LEO1: variants seen among roughly 807,000 people sequenced by gnomAD.
LEO1 encodes the protein RNA polymerase-associated protein LEO1.
Under a neutral mutation model 80.4 loss-of-function variants are expected in LEO1, and 34 were observed. The observed-to-expected ratio is 0.42, with a 90% CI of 0.32 to 0.56. LEO1 has a LOEUF of 0.56. Ranked by LOEUF, LEO1 falls within the 20% of genes least tolerant of loss-of-function variation. The pLI is 0.10. For synonymous variants in LEO1, 262 were observed against 274.9 expected, an observed-to-expected ratio of 0.95 and a Z score of 0.46; for missense variants, 631 against 814.2, an observed-to-expected ratio of 0.77 and a Z score of 2.74.
rs71130110 is a variant in LEO1 at position 51,945,262 on chromosome 15, C to CAAAAAAAAAAAAAAAAAAAA, written c.1896+2029_1896+2030insTTTTTTTTTTTTTTTTTTTT. The stretch of plus-strand genomic sequence containing the variant: ...TGAAACCCCATCTCTACAAAAAATA[C>CAAAAAAAAAAAAAAAAAAAA]AAAAAAAAAAAAAAAAAGCCTTACA... On this transcript the variant is annotated intron_variant, in intron 11 of 11. Transcript: ENST00000299601. 3.1e-3 allele frequency among the ~76,000 whole-genome samples: 251 copies of CAAAAAAAAAAAAAAAAAAAA among 80,244 alleles called. 10 individuals carry two copies. The highest frequency in any genetic ancestry group is 7.9e-3 in the Middle Eastern group (1 of 126). 52.6% of individuals were successfully genotyped at this position (80,244 alleles called of 152,430 possible).
Position 51,951,825 on chromosome 15 carries a change from T to A in LEO1, c.1611+19A>T, listed in dbSNP as rs2056951442. On this transcript the variant is annotated intron_variant, in intron 9 of 11. Transcript: ENST00000299601. ...ATACCAAAGAATCCCAGGATAACGCTTAGGCTTAGCAAACATACCTTAATC... is the reference window on the plus strand; with the variant it reads ...ATACCAAAGAATCCCAGGATAACGCATAGGCTTAGCAAACATACCTTAATC... 9 of 1,611,826 alleles carry A rather than the reference T, an allele frequency of 5.6e-6. No homozygotes were observed. The highest frequency in any genetic ancestry group is 7.6e-6 in the Non-Finnish European group (9 of 1,178,446).
intron 11 of LEO1, among the ~76,000 whole-genome samples, chr15:51,940,365 C>A (rs1309784504): frequency 6.6e-6 from 1 of 150,868 alleles, no homozygotes; most frequent in African/African-American, 2.4e-5. Flanking sequence ...TCAAGACCAG[C>A]CCAGCCAACA....
At chr15:51,940,502 A>C (rs965795701) in intron 11 of LEO1, among the ~76,000 whole-genome samples, 1 of 151,694 alleles carries the variant, frequency 6.6e-6, no homozygotes, top group Admixed American at 6.6e-5. Context: ...TGGAGGTTGC[A>C]GTGAGCTGAG....
intron 2 of LEO1, among the ~76,000 whole-genome samples, chr15:51,965,366 A>G (rs765992918): frequency 3.3e-5 from 5 of 152,118 alleles, no homozygotes; most frequent in East Asian, 1.9e-4. Context: ...GGACACTTCA[A>G]TGGTATGGTT....
At chr15:51,963,355 A>G (rs1276098058) in intron 2 of LEO1, among the ~76,000 whole-genome samples, 1 of 152,244 alleles carries the variant, frequency 6.6e-6, no homozygotes, top group African/African-American at 2.4e-5. Context: ...TCAAATTTAC[A>G]TAAGACAAAT....
At chr15:51,944,814 A>G (rs1279273822) in intron 11 of LEO1, among the ~76,000 whole-genome samples, 1 of 152,226 alleles carries the variant, frequency 6.6e-6, no homozygotes. Context: ...GATATGATAT[A>G]AAATTTTAAC....
chr15:51,963,838 A>G (rs2470605), intron 2 of LEO1, among the ~76,000 whole-genome samples: 65,205 of 144,728 alleles, frequency 0.45, 14,423 homozygotes, highest in Admixed American at 0.54. Context: ...GGAGGTGGAG[A>G]TTGCAGTGAG....
At chr15:51,965,649 G>C in intron 2 of LEO1, 100 bp downstream of exon 2, 1 of 1,474,362 alleles carries the variant, frequency 6.8e-7, no homozygotes, top group Non-Finnish European at 9.0e-7. Context: ...GGACAGAAGA[G>C]AAAAAACAGG....
chr15:51,954,372 A>AC lies in LEO1; in HGVS notation c.1340+108dup. ...ACTCCAACATGGGCAACAGAGTGAG[A>AC]CCCCATTTCTAAAACTAATAATAAA... On this transcript the variant is annotated intron_variant, in intron 7 of 11. Transcript: ENST00000299601. 3 of 691,208 alleles carry AC rather than the reference A, an allele frequency of 4.3e-6. 1 individual carries two copies. In the South Asian group the frequency reaches 5.2e-5, roughly 12 times the overall value. 42.8% of individuals were successfully genotyped at this position (691,208 alleles called of 1,614,324 possible). A position where few individuals can be genotyped will look rare whatever the true frequency, so the allele number is the denominator to read the frequency against.
chr15:51,962,238 A>C (rs1336470204), intron 3 of LEO1, 151 bp downstream of exon 3: 7 of 469,990 alleles, frequency 1.5e-5, no homozygotes, highest in Non-Finnish European at 2.6e-5. Context: ...TCTCATAGCT[A>C]TATAACTTCT....
chr15:51,960,798 C>T, intron 3 of LEO1, 65 bp from the exon 4 acceptor site: 1 of 883,382 alleles, frequency 1.1e-6, no homozygotes, highest in Admixed American at 1.9e-5. Context: ...CACAGCTGAT[C>T]ACTTCAACAC....
chr15:51,954,769 A>C lies in LEO1; in HGVS notation c.1246-194T>G, dbSNP rs1481857276. 7.3e-6 allele frequency: 4 copies of C among 550,470 alleles called. No individual in the cohort carries two copies. In the African/African-American group the frequency reaches 7.6e-5, roughly 10 times the overall value. The allele number at this position is 550,470 out of a possible 1,614,324, so 34.1% of individuals were successfully genotyped here. A position where few individuals can be genotyped will look rare whatever the true frequency, so the allele number is the denominator to read the frequency against. ...GGATAAATTAAAAGCAGGGAAAAAAATATGCTTAAGTGAATTTCTGAGCTC... is the reference window on the plus strand; with the variant it reads ...GGATAAATTAAAAGCAGGGAAAAAACTATGCTTAAGTGAATTTCTGAGCTC... On this transcript the variant is annotated intron_variant, in intron 6 of 11. Transcript: ENST00000299601.
intron 6 of LEO1, 153 bp from the exon 7 acceptor site, chr15:51,954,728 A>G (rs2141761271): frequency 1.6e-6 from 1 of 610,290 alleles, no homozygotes; most frequent in South Asian, 2.0e-5. Context: ...ACCCTCTTTA[A>G]TCACCTAGAG....
Position 51,960,668 on chromosome 15 carries a change from C to T in LEO1, c.985G>A (p.Asp329Asn). ...DDISSGSDGE[D>N]KPPTPGQPVD... Reference sequence around the variant, plus strand: ...GGCTGTCCTGGAGTAGGTGGTTTGTCTTCTCCATCACTCCCTGAAGAGATA... The same window carrying T: ...GGCTGTCCTGGAGTAGGTGGTTTGTTTTCTCCATCACTCCCTGAAGAGATA... The change falls in exon 4 of 12, where the codon GAC (aspartate) becomes AAC (asparagine). Residue 329 changes from aspartate to asparagine, a missense_variant. This residue lies in a region of LEO1 where 95 missense variants were observed against 171.7 expected (regional missense o/e 0.55). Coordinates refer to ENST00000299601, the MANE Select transcript of LEO1 (RefSeq NM_138792.4). 1 of 1,610,544 alleles carries T rather than the reference C, an allele frequency of 6.2e-7. No homozygotes were observed. The highest frequency in any genetic ancestry group is 8.5e-7 in the Non-Finnish European group (1 of 1,176,758).
At chr15:51,960,967 C>A (rs1248462884) in intron 3 of LEO1, among the ~76,000 whole-genome samples, 1 of 152,162 alleles carries the variant, frequency 6.6e-6, no homozygotes, top group Non-Finnish European at 1.5e-5. Flanking sequence ...TTCATTTTCA[C>A]CATCCTTGTT....
At position 51,954,578 on chromosome 15, in the gene LEO1, G is replaced by A; in HGVS notation, c.1246-3C>T. 6.3e-7 allele frequency: 1 copy of A among 1,583,734 alleles called. No homozygotes were observed. The highest frequency in any genetic ancestry group is 8.7e-7 in the Non-Finnish European group (1 of 1,153,112). On this transcript the variant is annotated splice_polypyrimidine_tract_variant and splice_region_variant and intron_variant, in intron 6 of 11. Transcript: ENST00000299601. ...CTCCATCTTATAGTATTTTCTACCT[G>A]TTTCACAACACAAGTACTTTAGAAA...
chr15:51,948,120 T>C (rs1230719410), intron 10 of LEO1, among the ~76,000 whole-genome samples: 3 of 152,124 alleles, frequency 2.0e-5, no homozygotes, highest in African/African-American at 4.8e-5. Context: ...AAGAGAGATG[T>C]AGAGGGGCGC....
chr15:51,944,148 C>T (rs1040356982), intron 11 of LEO1, among the ~76,000 whole-genome samples: 2 of 152,178 alleles, frequency 1.3e-5, no homozygotes, highest in South Asian at 2.1e-4. Context: ...AAGAGAACCA[C>T]GTGCAGATAC....
chr15:51,963,381 GTAAAAAGAT>G (rs2057047085), intron 2 of LEO1, among the ~76,000 whole-genome samples: 1 of 152,068 alleles, frequency 6.6e-6, no homozygotes, highest in Non-Finnish European at 1.5e-5. Flanking sequence ...GGAAAAAAAG[GTAAAAAGAT>G]TAAAAAGGAA....
Sources: allele counts gnomAD v4.1 joint callset (sites outside exome capture counted in the v4.1 genomes callset), GRCh38; gene constraint gnomAD v4.1.1; regional missense constraint gnomAD v4.1.1; transcripts MANE v1.5; gene names NCBI Gene and HGNC (gene_info 2026-07-23, HGNC 2026-07-21).